The following IL1RAPL1 variants were observed in gnomAD, a reference collection of about 807,000 sequenced individuals.
IL1RAPL1 encodes interleukin-1 receptor accessory protein-like 1.
Under a neutral mutation model 48.4 loss-of-function variants are expected in IL1RAPL1, and 3 were observed. That is an observed-to-expected ratio of 0.06 (90% CI 0.03 to 0.16). The LOEUF (loss-of-function observed/expected upper bound fraction) is 0.16. Ranked by LOEUF, IL1RAPL1 falls within the 10% of genes least tolerant of loss-of-function variation. The probability of loss-of-function intolerance (pLI) is 1.00; values close to 1 mark genes in which losing one functional copy is unlikely to be tolerated. For synonymous variants in IL1RAPL1, 185 were observed against 187.7 expected, an observed-to-expected ratio of 0.99 and a Z score of 0.12; for missense variants, 349 against 530.6, an observed-to-expected ratio of 0.66 and a Z score of 3.36.
chrX:29,803,647 G>A (rs769365076), intron 6 of IL1RAPL1, among the ~76,000 whole-genome samples: 27 of 100,478 alleles, frequency 2.7e-4, no homozygotes, highest in East Asian at 6.3e-4. Flanking sequence ...ATATATACAC[G>A]CGTGTATATA....
intron 2 of IL1RAPL1, among the ~76,000 whole-genome samples, chrX:29,113,161 C>T (rs749147430): frequency 6.3e-5 from 7 of 111,732 alleles, no homozygotes; most frequent in African/African-American, 2.3e-4. Flanking sequence ...ATATCACAAC[C>T]GTTCATAATC....
intron 2 of IL1RAPL1, among the ~76,000 whole-genome samples, chrX:29,150,921 CAAAAAAAAAAA>C (rs757072950): frequency 2.3e-5 from 1 of 43,763 alleles, no homozygotes; most frequent in Non-Finnish European, 4.3e-5. Context: ...GACTCCATCT[CAAAAAAAAAAA>C]AAAAGAAAAA....
chrX:28,790,789 C>T (rs982130405), intron 2 of IL1RAPL1, among the ~76,000 whole-genome samples: 3 of 111,825 alleles, frequency 2.7e-5, no homozygotes, highest in Non-Finnish European at 5.6e-5. Flanking sequence ...TGGGAAATAA[C>T]ATATATCTTG....
Position 29,283,226 on chromosome X carries a change from T to C in IL1RAPL1, c.362+9T>C. On this transcript the variant is annotated intron_variant, in intron 3 of 10. Transcript: ENST00000378993. ...TACGCCTGTGTCATCAGGTATCCCT[T>C]TAATTCTATTACTGCTGAATCAAAG... 8.3e-7 allele frequency: 1 copy of C among 1,204,360 alleles called. No individual in the cohort carries two copies. Among genetic ancestry groups the C allele is most frequent in the Non-Finnish European group, 1.1e-6 (1 of 888,777 alleles).
intron 3 of IL1RAPL1, among the ~76,000 whole-genome samples, chrX:29,380,157 A>G (rs1276882485): frequency 9.5e-6 from 1 of 104,748 alleles, no homozygotes; most frequent in Non-Finnish European, 1.9e-5. Flanking sequence ...GGAACATTTC[A>G]TAGCTTATCA....
chrX:29,057,886 G>A (rs914209544), intron 2 of IL1RAPL1, among the ~76,000 whole-genome samples: 14 of 111,551 alleles, frequency 1.3e-4, no homozygotes, highest in Non-Finnish European at 2.4e-4. Flanking sequence ...AATAATCACC[G>A]TGAATCAACA....
At chrX:29,478,883 T>A (rs1364926979) in intron 5 of IL1RAPL1, among the ~76,000 whole-genome samples, 1 of 110,895 alleles carries the variant, frequency 9.0e-6, no homozygotes, top group East Asian at 2.8e-4. Flanking sequence ...GAAGATAGCA[T>A]CCTGTCCTCA....
At chrX:29,044,939 C>T (rs1416576126) in intron 2 of IL1RAPL1, among the ~76,000 whole-genome samples, 2 of 111,475 alleles carry the variant, frequency 1.8e-5, no homozygotes, top group African/African-American at 3.3e-5. Flanking sequence ...GGTAGTTTTC[C>T]AATCTCCGGC....
chrX:29,245,952 AT>A (rs764339069), intron 2 of IL1RAPL1, among the ~76,000 whole-genome samples: 1 of 111,259 alleles, frequency 9.0e-6, no homozygotes, highest in Admixed American at 9.6e-5. Context: ...AAACACCTTC[AT>A]ATACATGTTA....
At chrX:29,296,068 C>T (rs1932445406) in intron 3 of IL1RAPL1, among the ~76,000 whole-genome samples, 1 of 111,936 alleles carries the variant, frequency 8.9e-6, no homozygotes, top group Non-Finnish European at 1.9e-5. Context: ...CAGAAAAAAA[C>T]CTGCAGGGAA....
At chrX:29,018,672 ATCTC>A (rs1926294947) in intron 2 of IL1RAPL1, among the ~76,000 whole-genome samples, 1 of 111,983 alleles carries the variant, frequency 8.9e-6, no homozygotes, top group African/African-American at 3.2e-5. Flanking sequence ...CTTCATATGA[ATCTC>A]TCTATTTGCC....
intron 5 of IL1RAPL1, among the ~76,000 whole-genome samples, chrX:29,512,542 G>A (rs755882602): frequency 9.0e-6 from 1 of 111,383 alleles, no homozygotes; most frequent in Admixed American, 9.6e-5. Context: ...TAGGTGTGTT[G>A]TACTGTTGCT....
At chrX:29,507,941 G>T (rs2147764725) in intron 5 of IL1RAPL1, among the ~76,000 whole-genome samples, 1 of 111,348 alleles carries the variant, frequency 9.0e-6, no homozygotes, top group East Asian at 2.8e-4. Flanking sequence ...CAATTAGTCT[G>T]CACAAAATCA....
intron 5 of IL1RAPL1, among the ~76,000 whole-genome samples, chrX:29,517,370 T>C (rs977803560): frequency 9.1e-6 from 1 of 110,398 alleles, no homozygotes; most frequent in Non-Finnish European, 1.9e-5. Context: ...ACAAAGTTTC[T>C]TTTAAGGTTT....
At chrX:29,528,443 G>A (rs959394250) in intron 5 of IL1RAPL1, among the ~76,000 whole-genome samples, 2 of 112,482 alleles carry the variant, frequency 1.8e-5, no homozygotes, top group Non-Finnish European at 1.9e-5. Context: ...AAGAAACTGG[G>A]CATCACTTTA....
intron 3 of IL1RAPL1, among the ~76,000 whole-genome samples, chrX:29,367,787 C>T (rs1222197175): frequency 9.2e-6 from 1 of 109,017 alleles, no homozygotes; most frequent in Non-Finnish European, 1.9e-5. Flanking sequence ...CCTTGTTGGC[C>T]AGGCTGGTCT....
At chrX:29,319,053 A>G (rs1213742585) in intron 3 of IL1RAPL1, among the ~76,000 whole-genome samples, 3 of 111,329 alleles carry the variant, frequency 2.7e-5, no homozygotes, top group East Asian at 5.6e-4. Flanking sequence ...ATATTCCTAT[A>G]TTCCATATGG....
intron 2 of IL1RAPL1, among the ~76,000 whole-genome samples, chrX:28,995,398 A>G: frequency 1.8e-5 from 2 of 110,879 alleles, no homozygotes; most frequent in South Asian, 7.5e-4. Flanking sequence ...GATCTACCCT[A>G]GAACAGATTG....
chrX:28,683,162 AC>A, intron 1 of IL1RAPL1, among the ~76,000 whole-genome samples: 1 of 111,374 alleles, frequency 9.0e-6, no homozygotes. Flanking sequence ...GTATTTTGAG[AC>A]CTGCAAGATA....
Sources: allele counts gnomAD v4.1 joint callset (sites outside exome capture counted in the v4.1 genomes callset), GRCh38; gene constraint gnomAD v4.1.1; transcripts MANE v1.5; gene names NCBI Gene and HGNC (gene_info 2026-07-23, HGNC 2026-07-21).